BORCS5: variants seen among roughly 807,000 people sequenced by gnomAD.
BORCS5 encodes the protein BLOC-1 related complex subunit 5, also known as BLOC-1-related complex subunit 5.
BORCS5 carries 17 observed loss-of-function variants against 22.1 expected under a neutral mutation model. The ratio of observed to expected loss-of-function variants is 0.77; its 90% confidence interval spans 0.53 to 1.15. BORCS5 has a LOEUF of 1.15. Among genes scored for constraint, BORCS5 ranks in the 50% most tolerant of loss-of-function variants. The pLI is 0.00. For synonymous variants in BORCS5, 117 were observed against 99.8 expected (o/e 1.17, Z -1.03); for missense variants, 247 against 253.2 (o/e 0.98, Z 0.17).
At chr12:12,441,340 T>C (rs1446641424) in intron 3 of BORCS5, among the ~76,000 whole-genome samples, 1 of 152,192 alleles carries the variant, frequency 6.6e-6, no homozygotes, top group Non-Finnish European at 1.5e-5. Flanking sequence ...AGAGCCACAC[T>C]GCCAAGGTTC....
chr12:12,394,517 G>A lies in BORCS5; in HGVS notation c.202+33168G>A, dbSNP rs138876020. Among the ~76,000 whole-genome samples, 470 of 151,812 alleles carry A rather than the reference G, an allele frequency of 3.1e-3. 6 individuals are homozygous for A. The highest frequency in any genetic ancestry group is 0.014 in the Middle Eastern group (4 of 294). On this transcript the variant is annotated intron_variant, in intron 2 of 3. Transcript: ENST00000314565. ...TTAAATAAGTAAGATATAACTGGAT[G>A]TCACATAATTTTTGCCGCCCTTTAA...
At chr12:12,382,737 T>G (rs1354394756) in intron 2 of BORCS5, among the ~76,000 whole-genome samples, 1 of 151,156 alleles carries the variant, frequency 6.6e-6, no homozygotes, top group Non-Finnish European at 1.5e-5. Context: ...TTTGCCATGT[T>G]GGCCGGGCTG....
rs1357836449 is a variant in BORCS5 at position 12,414,631 on chromosome 12, C to T, written c.203-20997C>T. On this transcript the variant is annotated intron_variant, in intron 2 of 3. Transcript: ENST00000314565. ...GGGGCTCCTCACTTCCCAGTAGGGG[C>T]GGCCGGGCAGAGGAGCCCCTCACCT... Among the ~76,000 whole-genome samples the T allele has an allele frequency of 4.2e-4, 42 of 100,566 alleles. 2 individuals carry two copies. Among genetic ancestry groups the T allele is most frequent in the Non-Finnish European group, 6.6e-4 (32 of 48,534 alleles). 66.0% of individuals were successfully genotyped at this position (100,566 alleles called of 152,430 possible).
chr12:12,364,230 G>T (rs1384488834), intron 2 of BORCS5, among the ~76,000 whole-genome samples: 1 of 152,012 alleles, frequency 6.6e-6, no homozygotes, highest in East Asian at 1.9e-4. Flanking sequence ...ACAAAAATTA[G>T]TTGGGTGTGG....
At chr12:12,459,839 A>G (rs190064078) in intron 3 of BORCS5, among the ~76,000 whole-genome samples, 1 of 152,354 alleles carries the variant, frequency 6.6e-6, no homozygotes, top group Admixed American at 6.5e-5. Flanking sequence ...CAACAATAAA[A>G]AAATCAATTA....
rs561960464 is a variant in BORCS5 at position 12,363,605 on chromosome 12, C to T, written c.202+2256C>T. ...AAAAAAAATTAGCCGGGTGTGGTGG[C>T]GGGTGCCTGTAGTCCCAGCTACTTG... On this transcript the variant is annotated intron_variant, in intron 2 of 3. Transcript: ENST00000314565. Among the ~76,000 whole-genome samples, 249 of 152,030 alleles carry T rather than the reference C, an allele frequency of 1.6e-3. 3 individuals are homozygous for T. The highest frequency in any genetic ancestry group is 5.9e-3 in the African/African-American group (243 of 41,460).
chr12:12,390,420 C>T (rs544573661), intron 2 of BORCS5, among the ~76,000 whole-genome samples: 4 of 152,156 alleles, frequency 2.6e-5, no homozygotes, highest in Non-Finnish European at 1.5e-5. Flanking sequence ...AAGCACAGAA[C>T]ATTGCAAAAT....
At chr12:12,363,416 AT>A (rs1863336962) in intron 2 of BORCS5, among the ~76,000 whole-genome samples, 1 of 152,064 alleles carries the variant, frequency 6.6e-6, no homozygotes, top group Non-Finnish European at 1.5e-5. Flanking sequence ...CCTGGCCAAC[AT>A]GGTGAAACCC....
chr12:12,381,556 C>T (rs1863775575), intron 2 of BORCS5, among the ~76,000 whole-genome samples: 1 of 151,460 alleles, frequency 6.6e-6, no homozygotes, highest in South Asian at 2.1e-4. Context: ...TTGATCTGTC[C>T]CATTTTTAAT....
At chr12:12,436,819 G>A (rs963215393) in intron 3 of BORCS5, among the ~76,000 whole-genome samples, 3 of 152,216 alleles carry the variant, frequency 2.0e-5, no homozygotes, top group Non-Finnish European at 2.9e-5. Flanking sequence ...AATGTTGCAT[G>A]CATATACTCT....
intron 2 of BORCS5, among the ~76,000 whole-genome samples, chr12:12,368,537 C>T (rs953709413): frequency 1.3e-4 from 20 of 151,836 alleles, no homozygotes; most frequent in Non-Finnish European, 1.2e-4. Context: ...CTTGACCTCC[C>T]GGGCACAAAT....
chr12:12,374,105 A>G (rs1185375435), intron 2 of BORCS5, among the ~76,000 whole-genome samples: 1 of 142,868 alleles, frequency 7.0e-6, no homozygotes, highest in Non-Finnish European at 1.5e-5. Flanking sequence ...CTCCTGCCTT[A>G]GCCTCCCGAG....
chr12:12,392,417 A>C (rs1025423691), intron 2 of BORCS5, among the ~76,000 whole-genome samples: 4 of 152,102 alleles, frequency 2.6e-5, no homozygotes, highest in Non-Finnish European at 4.4e-5. Context: ...AGTTACAAAG[A>C]ATCATTCCAG....
At chr12:12,366,154 C>T (rs577330876) in intron 2 of BORCS5, among the ~76,000 whole-genome samples, 48 of 152,298 alleles carry the variant, frequency 3.2e-4, no homozygotes, top group African/African-American at 9.9e-4. Context: ...GTAAAAAGGC[C>T]ACACAGTGAA....
At chr12:12,386,368 T>TTTTTTTTTTTTTGAGAC (rs1863880378) in intron 2 of BORCS5, among the ~76,000 whole-genome samples, 2 of 150,862 alleles carry the variant, frequency 1.3e-5, no homozygotes, top group African/African-American at 4.9e-5. Context: ...TTATATATGT[T>TTTTTTTTTTTTTGAGAC]GAAAATCTGT....
chr12:12,416,247 A>G (rs781218275), intron 2 of BORCS5, among the ~76,000 whole-genome samples: 21 of 151,652 alleles, frequency 1.4e-4, no homozygotes, highest in African/African-American at 4.1e-4. Context: ...AGGTTTGTCA[A>G]TTTTGTTTAT....
At chr12:12,437,435 C>T (rs927730796) in intron 3 of BORCS5, among the ~76,000 whole-genome samples, 1 of 152,188 alleles carries the variant, frequency 6.6e-6, no homozygotes, top group Non-Finnish European at 1.5e-5. Flanking sequence ...CAGACTAATA[C>T]ATAAGTTTAC....
chr12:12,427,256 C>T (rs1853110657), intron 2 of BORCS5, among the ~76,000 whole-genome samples: 1 of 141,772 alleles, frequency 7.1e-6, no homozygotes, highest in Non-Finnish European at 1.5e-5. Flanking sequence ...TCTCGGCTCA[C>T]TGCAAGCTCC....
At chr12:12,450,174 G>T (rs1430033493) in intron 3 of BORCS5, among the ~76,000 whole-genome samples, 3 of 152,234 alleles carry the variant, frequency 2.0e-5, no homozygotes, top group African/African-American at 7.2e-5. Flanking sequence ...GGAATCAGGA[G>T]ATCTGGAGTT....
Sources: allele counts gnomAD v4.1 joint callset (sites outside exome capture counted in the v4.1 genomes callset), GRCh38; gene constraint gnomAD v4.1.1; transcripts MANE v1.5; gene names NCBI Gene and HGNC (gene_info 2026-07-23, HGNC 2026-07-21).